The following KIT variants were observed in gnomAD, a reference collection of about 807,000 sequenced individuals.
KIT encodes mast/stem cell growth factor receptor Kit.
Under a neutral mutation model 105.7 loss-of-function variants are expected in KIT, and 16 were observed. The observed-to-expected ratio is 0.15, with a 90% CI of 0.10 to 0.23. The LOEUF (loss-of-function observed/expected upper bound fraction) is 0.23, where lower values mean the gene tolerates loss of function less well. Among genes scored for constraint, KIT ranks in the 10% least tolerant of loss-of-function variants. KIT has a pLI of 1.00. For missense variants in KIT, 858 were observed against 1,213.8 expected (o/e 0.71, Z 4.36); for synonymous variants, 438 against 441.1 (o/e 0.99, Z 0.09).
intron 17 of KIT, 105 bp downstream of exon 17, chr4:54,733,297 A>T: frequency 1.5e-6 from 2 of 1,300,900 alleles, no homozygotes; most frequent in Non-Finnish European, 2.2e-6. Context: ...CTGTCTAGGG[A>T]TATCACACAT....
intron 1 of KIT, among the ~76,000 whole-genome samples, chr4:54,667,048 TATCA>T (rs890890697): frequency 2.0e-5 from 3 of 152,112 alleles, no homozygotes; most frequent in African/African-American, 7.2e-5. Context: ...ATCCATAATC[TATCA>T]TTTAGCCCTA....
chr4:54,702,629 A>G (rs1720527068), intron 4 of KIT, among the ~76,000 whole-genome samples: 1 of 152,164 alleles, frequency 6.6e-6, no homozygotes, highest in Non-Finnish European at 1.5e-5. Context: ...TTATAGTCAT[A>G]ATGCTATACT....
chr4:54,672,201 C>T (rs540349457), intron 1 of KIT, among the ~76,000 whole-genome samples: 1 of 152,254 alleles, frequency 6.6e-6, no homozygotes, highest in South Asian at 2.1e-4. Context: ...CTGCAGTTGT[C>T]CTGTGCAGCT....
chr4:54,684,693 C>T (rs972965980), intron 1 of KIT, among the ~76,000 whole-genome samples: 1 of 152,176 alleles, frequency 6.6e-6, no homozygotes, highest in African/African-American at 2.4e-5. Context: ...TGCTGCTCCC[C>T]CGGCAGCACG....
intron 1 of KIT, among the ~76,000 whole-genome samples, chr4:54,661,431 T>C (rs1480177786): frequency 3.3e-5 from 5 of 152,138 alleles, no homozygotes; most frequent in African/African-American, 1.2e-4. Context: ...TTTCCTCAAG[T>C]CTCTTCCAGC....
At chr4:54,674,660 G>C (rs1718339871) in intron 1 of KIT, among the ~76,000 whole-genome samples, 1 of 152,120 alleles carries the variant, frequency 6.6e-6, no homozygotes, top group Admixed American at 6.5e-5. Context: ...AAAATGATTT[G>C]CTTCCAAAAT....
intron 1 of KIT, among the ~76,000 whole-genome samples, chr4:54,678,308 CCTTCCTTCCTTCCTTCCTTCCT>C (rs1411359151): frequency 1.4e-5 from 1 of 70,394 alleles, no homozygotes; most frequent in African/African-American, 7.5e-5. Flanking sequence ...TTCCTTCCTT[CCTTCCTTCCTTCCTTCCTTCCT>C]TCCTTCCTTC....
rs376229086 is a variant in KIT, at chr4:54,709,419, T to C, written c.1116-5T>C. ...GGTGATTGACTAGTTGTCTTTTCTT[T>C]GTAGATACGTAAGTGAACTTCATCT... is the stretch of plus-strand genomic sequence containing the variant. On this transcript the variant is annotated splice_region_variant and splice_polypyrimidine_tract_variant and intron_variant, in intron 6 of 20. Coordinates refer to ENST00000288135, the MANE Select transcript of KIT (RefSeq NM_000222.3). The C allele has an allele frequency of 1.1e-5, 17 of 1,579,702 alleles. No homozygotes were observed. The African/African-American group carries it at 1.9e-4, about 18-fold the overall frequency.
At chr4:54,681,146 C>A (rs1338395088) in intron 1 of KIT, among the ~76,000 whole-genome samples, 4 of 152,212 alleles carry the variant, frequency 2.6e-5, no homozygotes, top group African/African-American at 9.6e-5. Flanking sequence ...CGACCCCAAA[C>A]TTCACAGATG....
chr4:54,682,724 C>T (rs1403845274), intron 1 of KIT, among the ~76,000 whole-genome samples: 1 of 151,188 alleles, frequency 6.6e-6, no homozygotes, highest in East Asian at 1.9e-4. Context: ...GCCACTGCGC[C>T]CGGCCGATAT....
intron 1 of KIT, among the ~76,000 whole-genome samples, chr4:54,678,530 T>C (rs1001564992): frequency 6.6e-6 from 1 of 152,118 alleles, no homozygotes; most frequent in Non-Finnish European, 1.5e-5. Flanking sequence ...AGATGGAGAT[T>C]CTGACCTATT....
At chr4:54,731,598 A>G (rs1430444722) in intron 15 of KIT, among the ~76,000 whole-genome samples, 179 bp downstream of exon 15, 1 of 152,092 alleles carries the variant, frequency 6.6e-6, no homozygotes, top group Non-Finnish European at 1.5e-5. Flanking sequence ...GTCAGAGCAT[A>G]TGTTTTTGTG....
chr4:54,738,068 C>T (rs186133702), intron 20 of KIT, among the ~76,000 whole-genome samples: 5 of 152,220 alleles, frequency 3.3e-5, no homozygotes, highest in South Asian at 4.1e-4. Context: ...CTGGAAGGGC[C>T]GTGGGTTTCC....
chr4:54,671,960 CCTT>C (rs1196122845), intron 1 of KIT, among the ~76,000 whole-genome samples: 10 of 152,068 alleles, frequency 6.6e-5, no homozygotes, highest in Admixed American at 1.3e-4. Context: ...ACTACAAAGA[CCTT>C]CTTTTCTGAA....
At chr4:54,705,817 G>T (rs1234235985) in intron 5 of KIT, among the ~76,000 whole-genome samples, 1 of 152,190 alleles carries the variant, frequency 6.6e-6, no homozygotes, top group Non-Finnish European at 1.5e-5. Context: ...AGGAAGTCGA[G>T]GCTTTAGTGA....
At position 54,740,124 on chromosome 4, in the gene KIT, G is replaced by A. The variant is rs543517677; in HGVS notation, c.*1567G>A. ...TTGTGTGTTGTCTTGAAAGATTCAG[G>A]TATGTTGCCTTTATGGTTTCCCCCT... On this transcript the variant is annotated 3_prime_UTR_variant, in exon 21 of 21. Transcript: ENST00000288135. 2 of 233,478 alleles carry A rather than the reference G, an allele frequency of 8.6e-6. No homozygotes were observed. The highest frequency in any genetic ancestry group is 1.7e-5 in the Non-Finnish European group (2 of 117,998). 14.5% of individuals were successfully genotyped at this position (233,478 alleles called of 1,614,324 possible). A position where few individuals can be genotyped will look rare whatever the true frequency, so the allele number is the denominator to read the frequency against.
intron 1 of KIT, among the ~76,000 whole-genome samples, chr4:54,667,760 T>A (rs1323322240): frequency 6.6e-6 from 1 of 152,258 alleles, no homozygotes; most frequent in Non-Finnish European, 1.5e-5. Flanking sequence ...AAATGTAATC[T>A]GGCTAAGTAG....
At position 54,728,129 on chromosome 4, in the gene KIT, C is replaced by T. The variant is rs377493174; in HGVS notation, c.1990+8C>T. Reference sequence around the variant, plus strand: ...GAGCCTGCACCATTGGAGGTAAAGCCGTGTCCAAGCTGCCTTTTATTGTCT... The same window carrying T: ...GAGCCTGCACCATTGGAGGTAAAGCTGTGTCCAAGCTGCCTTTTATTGTCT... On this transcript the variant is annotated splice_region_variant and intron_variant, in intron 13 of 20. Coordinates refer to ENST00000288135, the MANE Select transcript of KIT (RefSeq NM_000222.3). 28 of 1,574,512 alleles carry T rather than the reference C, an allele frequency of 1.8e-5. 1 individual carries two copies. Among genetic ancestry groups the T allele is most frequent in the South Asian group, 8.9e-5 (8 of 90,300 alleles).
At chr4:54,690,708 A>G (rs1407016819) in intron 1 of KIT, among the ~76,000 whole-genome samples, 1 of 152,254 alleles carries the variant, frequency 6.6e-6, no homozygotes, top group Non-Finnish European at 1.5e-5. Flanking sequence ...CTTGCTGTCT[A>G]CCACGCACAT....
Sources: allele counts gnomAD v4.1 joint callset (sites outside exome capture counted in the v4.1 genomes callset), GRCh38; gene constraint gnomAD v4.1.1; transcripts MANE v1.5; gene names NCBI Gene and HGNC (gene_info 2026-07-23, HGNC 2026-07-21).